Variants in VEZT observed in about 807,000 individuals in gnomAD.
The protein encoded by VEZT is vezatin, adherens junctions transmembrane protein, also known as vezatin.
A neutral mutation model predicts 79.9 loss-of-function variants in VEZT; 39 were observed. The observed-to-expected ratio is 0.49, with a 90% confidence interval of 0.38 to 0.64. The LOEUF (loss-of-function observed/expected upper bound fraction) is 0.64, where lower values mean the gene tolerates loss of function less well. VEZT is among the 30% of genes least tolerant of loss of function. VEZT has a pLI of 0.00. For synonymous variants in VEZT, 325 were observed against 327.6 expected (o/e 0.99, Z 0.09); for missense variants, 837 against 893.1 (o/e 0.94, Z 0.80).
intron 11 of VEZT, chr12:95,298,892 A>G (rs956725324): frequency 2.6e-5 from 4 of 152,592 alleles, no homozygotes; most frequent in Non-Finnish European, 4.4e-5. Flanking sequence ...AAATTATGCT[A>G]TTGACATTAT....
At chr12:95,264,873 T>C (rs1365993693) in intron 4 of VEZT, among the ~76,000 whole-genome samples, 1 of 114,172 alleles carries the variant, frequency 8.8e-6, no homozygotes, top group Non-Finnish European at 1.9e-5. Flanking sequence ...TCTTTTCTTT[T>C]TTTTTTTTTT....
At chr12:95,239,948 A>AAG (rs140000740) in intron 1 of VEZT, among the ~76,000 whole-genome samples, 17,653 of 119,740 alleles carry the variant, frequency 0.15, 1,810 homozygotes, top group Non-Finnish European at 0.19. Context: ...GGAGACTCGA[A>AAG]AGAGAGAGAG....
intron 4 of VEZT, 54 bp from the exon 5 acceptor site, chr12:95,266,303 C>A (rs770187835): frequency 6.6e-7 from 1 of 1,508,386 alleles, no homozygotes; most frequent in South Asian, 1.4e-5. Context: ...TAAAGTAATT[C>A]ATCTTTCTTT....
In VEZT at chr12:95,287,850, TA is replaced by T. The variant is rs772318070; in HGVS notation, c.1521del (p.Gly508AlafsTer5). 6.3e-7 allele frequency: 1 copy of T among 1,589,332 alleles called. No individual in the cohort carries two copies. Among genetic ancestry groups the T allele is most frequent in the Non-Finnish European group, 8.6e-7 (1 of 1,167,306 alleles). On this transcript the variant is annotated frameshift_variant, in exon 9 of 12. Coordinates refer to ENST00000436874, the MANE Select transcript of VEZT (RefSeq NM_017599.4). LOFTEE classifies it high-confidence loss of function. Reference protein sequence around the residue: ...VDKLLRRNTDKKGKPEIACEN... With the variant: ...VDKLLRRNTDXKGKPEIACEN... ...ACAAACTGCTACGAAGAAATACAGA[TA>T]AAAAAGGTACCTGTGAGAGATTTCT...
At chr12:95,274,406 C>T (rs886648145) in intron 6 of VEZT, among the ~76,000 whole-genome samples, 2 of 152,122 alleles carry the variant, frequency 1.3e-5, no homozygotes, top group Admixed American at 1.3e-4. Flanking sequence ...GCCGAGGTTG[C>T]AGTGAGCCGG....
intron 1 of VEZT, among the ~76,000 whole-genome samples, chr12:95,248,558 GA>G (rs1391917636): frequency 1.3e-5 from 2 of 152,198 alleles, no homozygotes; most frequent in Non-Finnish European, 2.9e-5. Context: ...TCACTGATGA[GA>G]GAGCATCTGC....
chr12:95,236,748 G>A (rs7965391), intron 1 of VEZT, among the ~76,000 whole-genome samples: 9,499 of 151,794 alleles, frequency 0.063, 454 homozygotes, highest in Middle Eastern at 0.12. Context: ...CACCACGCCC[G>A]GCTAATTTTT....
chr12:95,295,263 C>T (rs2073885354), intron 10 of VEZT, among the ~76,000 whole-genome samples: 2 of 152,138 alleles, frequency 1.3e-5, no homozygotes, highest in African/African-American at 4.8e-5. Flanking sequence ...CGTGTTCAAG[C>T]GATTCTCCTG....
chr12:95,254,128 G>A (rs1256050207), intron 2 of VEZT, among the ~76,000 whole-genome samples: 1 of 151,976 alleles, frequency 6.6e-6, no homozygotes. Flanking sequence ...CCACGGACAT[G>A]TGCCACCATG....
At chr12:95,218,678 T>A (rs2057099697) in intron 1 of VEZT, 1 of 152,242 alleles carries the variant, frequency 6.6e-6, no homozygotes, top group South Asian at 2.1e-4. Context: ...TAAGAAAATT[T>A]AAAAATGAAG....
intron 1 of VEZT, among the ~76,000 whole-genome samples, chr12:95,245,000 AGATGGGCG>A (rs926900815): frequency 1.3e-5 from 2 of 152,140 alleles, no homozygotes; most frequent in Admixed American, 1.3e-4. Flanking sequence ...TGGGAGTCTG[AGATGGGCG>A]GATCATTTGA....
At chr12:95,256,040 T>G (rs2063420420) in intron 2 of VEZT, among the ~76,000 whole-genome samples, 1 of 152,086 alleles carries the variant, frequency 6.6e-6, no homozygotes, top group East Asian at 1.9e-4. Flanking sequence ...CCTCTTCCCT[T>G]GACTGAAGTG....
intron 1 of VEZT, among the ~76,000 whole-genome samples, chr12:95,222,461 G>A (rs983552171): frequency 6.6e-6 from 1 of 151,966 alleles, no homozygotes; most frequent in African/African-American, 2.4e-5. Context: ...TCTTTTATGT[G>A]TAGATCTCTT....
At chr12:95,258,200 CA>C (rs1949585988) in intron 3 of VEZT, 1 of 455,142 alleles carries the variant, frequency 2.2e-6, no homozygotes, top group Admixed American at 2.4e-5. Flanking sequence ...TTGAGAAGGT[CA>C]ATGAAGTGTC....
chr12:95,225,993 G>A (rs1213723708), intron 1 of VEZT, among the ~76,000 whole-genome samples: 1 of 151,832 alleles, frequency 6.6e-6, no homozygotes, highest in East Asian at 1.9e-4. Context: ...TACTCAGGAG[G>A]CTGACGCAGG....
At position 95,282,305 on chromosome 12, in the gene VEZT, T is replaced by A. The variant is rs1233408566; in HGVS notation, c.997-8T>A. 6.4e-7 allele frequency: 1 copy of A among 1,572,586 alleles called. No individual in the cohort carries two copies. The highest frequency in any genetic ancestry group is 8.6e-7 in the Non-Finnish European group (1 of 1,165,462). On this transcript the variant is annotated splice_polypyrimidine_tract_variant and splice_region_variant and intron_variant, in intron 7 of 11. Coordinates refer to ENST00000436874, the MANE Select transcript of VEZT (RefSeq NM_017599.4). The stretch of plus-strand genomic sequence containing the variant: ...ATTGATCTAGTTCTTTTTTCTTTTT[T>A]CTTTAAGGTTTTGTTCCAACTCTGG...
At chr12:95,285,347 G>A (rs2070452722) in intron 8 of VEZT, among the ~76,000 whole-genome samples, 1 of 151,840 alleles carries the variant, frequency 6.6e-6, no homozygotes, top group African/African-American at 2.4e-5. Context: ...GGGAGGCTGA[G>A]GTGGGAGGAT....
intron 3 of VEZT, among the ~76,000 whole-genome samples, chr12:95,257,765 G>C (rs1001514068): frequency 6.6e-6 from 1 of 152,170 alleles, no homozygotes; most frequent in Admixed American, 6.5e-5. Context: ...ATGGCTCCCA[G>C]AAGGAGTAAT....
intron 5 of VEZT, among the ~76,000 whole-genome samples, chr12:95,269,034 G>A (rs2066093730): frequency 6.6e-6 from 1 of 151,896 alleles, no homozygotes; most frequent in Admixed American, 6.6e-5. Context: ...TTTAAAATTT[G>A]GTTTTTATAG....
Sources: gnomAD v4.1 joint callset for allele counts (sites outside exome capture counted in the v4.1 genomes callset) on GRCh38, gnomAD v4.1.1 for gene constraint, MANE v1.5 for transcripts, NCBI Gene and HGNC (gene_info 2026-07-23, HGNC 2026-07-21) for gene names.